Variants in ZDHHC11 observed in about 807,000 individuals in gnomAD.
ZDHHC11 encodes zDHHC palmitoyltransferase 11, also known as palmitoyltransferase ZDHHC11.
A neutral mutation model predicts 51.3 loss-of-function variants in ZDHHC11; 44 were observed. The ratio of observed to expected loss-of-function variants is 0.86; its 90% confidence interval spans 0.67 to 1.10. The LOEUF (loss-of-function observed/expected upper bound fraction) is 1.10. ZDHHC11 is among the 50% of genes least tolerant of loss of function. The pLI, the probability that ZDHHC11 is intolerant of heterozygous loss-of-function variation, is 0.00. For synonymous variants in ZDHHC11, 163 were observed against 222.0 expected (o/e 0.73, Z 2.36); for missense variants, 400 against 537.7 (o/e 0.74, Z 2.53).
rs377491180 is a variant in ZDHHC11, at chr5:850,498, C to T, written c.105G>A (p.Ser35=). 14 of 1,613,590 alleles carry T rather than the reference C, an allele frequency of 8.7e-6. No individual in the cohort carries two copies. Among genetic ancestry groups the T allele is most frequent in the African/African-American group, 8.0e-5 (6 of 74,930 alleles). ...CCACCTGGAAGTAGTGCAGGGGTAA[C>T]GACCAGCCGTTCACTCTGGAGATGC... The part of the protein sequence containing the change: ...PPRISRVNGW[S]LPLHYFQVVT... The change falls in exon 1 of 13, where the codon TCG becomes TCA. Residue 35 remains serine, a synonymous_variant. Coordinates refer to ENST00000283441, the MANE Select transcript of ZDHHC11 (RefSeq NM_024786.3).
chr5:796,964 T>C (rs1737669316), intron 12 of ZDHHC11, among the ~76,000 whole-genome samples: 1 of 151,864 alleles, frequency 6.6e-6, no homozygotes, highest in Non-Finnish European at 1.5e-5. Flanking sequence ...TCCCAGCACT[T>C]TGGGAGTCCG....
chr5:821,930 T>C lies in ZDHHC11; in HGVS notation c.1024-35A>G, dbSNP rs907186160. On this transcript the variant is annotated intron_variant, in intron 8 of 12. Transcript: ENST00000283441. ...AGTGAAGCAAAATTCATAGAATGAA[T>C]TGACATTGAACTTATTCTTAAAAAA... 8.9e-6 allele frequency: 14 copies of C among 1,580,338 alleles called. 1 individual carries two copies. Among genetic ancestry groups the C allele is most frequent in the East Asian group, 2.2e-5 (1 of 44,628 alleles).
chr5:857,692 TC>T, intron 1 of ZDHHC11, among the ~76,000 whole-genome samples: 1 of 138,288 alleles, frequency 7.2e-6, no homozygotes, highest in Non-Finnish European at 1.5e-5. Context: ...CCAGGTCCCA[TC>T]CCTGTCTTTA....
At chr5:834,634 C>G (rs1175056602) in intron 6 of ZDHHC11, among the ~76,000 whole-genome samples, 1 of 152,312 alleles carries the variant, frequency 6.6e-6, no homozygotes, top group African/African-American at 2.4e-5. Flanking sequence ...CAGGAATGAA[C>G]ACCTGGCTTT....
intron 5 of ZDHHC11, chr5:840,259 T>C (rs1036188853): frequency 2.6e-6 from 2 of 758,120 alleles, no homozygotes; most frequent in Non-Finnish European, 2.3e-6. Context: ...GTTCAGCTTC[T>C]TGCTGGGCCT....
At chr5:805,139 C>G (rs1255987017) in intron 11 of ZDHHC11, among the ~76,000 whole-genome samples, 8 of 151,420 alleles carry the variant, frequency 5.3e-5, no homozygotes, top group African/African-American at 1.9e-4. Flanking sequence ...TGTTTGTGTA[C>G]TATTGAAACT....
chr5:858,371 CG>C (rs201685887), intron 1 of ZDHHC11, among the ~76,000 whole-genome samples: 8,977 of 137,442 alleles, frequency 0.065, 342 homozygotes, highest in Admixed American at 0.13. Context: ...TTTATGACAC[CG>C]TGGTCCCCCA....
At chr5:852,277 G>A (rs889361741), upstream of ZDHHC11, among the ~76,000 whole-genome samples, 3 of 152,188 alleles carry the variant, frequency 2.0e-5, no homozygotes, top group African/African-American at 7.2e-5. Flanking sequence ...GAGGGGAATC[G>A]CTCAGCGGCC....
chr5:819,525 C>G lies in ZDHHC11; in HGVS notation c.1146G>C (p.Gln382His), dbSNP rs865921433. 1 of 1,609,246 alleles carries G rather than the reference C, an allele frequency of 6.2e-7. No individual in the cohort carries two copies. Among genetic ancestry groups the G allele is most frequent in the Admixed American group, 1.7e-5 (1 of 59,918 alleles). Reference sequence around the variant, plus strand: ...GACAGCGCCAGTGATTGCAACTTACCTGTGCCATCGAGCCCCCGTCTGGGT... The same window carrying G: ...GACAGCGCCAGTGATTGCAACTTACGTGTGCCATCGAGCCCCCGTCTGGGT... ...RVHPDGGSMA[Q>H]EADDAPSIST... Residue 382 changes from glutamine (Q) to histidine (H), a missense_variant and splice_region_variant, in exon 10 of 13, where the codon CAG (glutamine) becomes CAC (histidine). Coordinates refer to ENST00000283441, the MANE Select transcript of ZDHHC11 (RefSeq NM_024786.3).
Position 825,160 on chromosome 5 carries a change from T to G in ZDHHC11, c.1023+4A>C, listed in dbSNP as rs770871817. ...GGGGTGCATCGCTGGTGACTGCAAC[T>G]TACCCGTGCCGTCGAATCCCCATCC... On this transcript the variant is annotated splice_donor_region_variant and intron_variant, in intron 8 of 12. Transcript: ENST00000283441. 2.5e-6 allele frequency: 4 copies of G among 1,610,584 alleles called. No individual in the cohort carries two copies. The highest frequency in any genetic ancestry group is 1.3e-5 in the African/African-American group (1 of 74,730).
chr5:797,995 C>A (rs1161253246), intron 12 of ZDHHC11, among the ~76,000 whole-genome samples: 1 of 150,764 alleles, frequency 6.6e-6, no homozygotes, highest in Non-Finnish European at 1.5e-5. Context: ...TTAGGGAGAA[C>A]CTGTTGCTCC....
intron 9 of ZDHHC11, 104 bp from the exon 10 acceptor site, chr5:819,716 C>A: frequency 8.3e-7 from 1 of 1,209,982 alleles, no homozygotes; most frequent in Non-Finnish European, 1.2e-6. Flanking sequence ...TGCAGTGGGG[C>A]CCATGTGTCT....
rs111555408 is a variant in ZDHHC11 at position 805,710 on chromosome 5, C to T, written c.1182-4546G>A. Among the ~76,000 whole-genome samples, 4 of 151,026 alleles carry T rather than the reference C, an allele frequency of 2.6e-5. No homozygotes were observed. The East Asian group carries it at 7.7e-4, about 29-fold the overall frequency. ...ACTTTAAACATTTTATATATATATA[C>T]ATAGATAGATATATTGAACTTTTTA... On this transcript the variant is annotated intron_variant, in intron 11 of 12. Transcript: ENST00000283441.
At chr5:815,608 T>A (rs927921725) in intron 10 of ZDHHC11, among the ~76,000 whole-genome samples, 2 of 151,336 alleles carry the variant, frequency 1.3e-5, no homozygotes, top group Non-Finnish European at 1.5e-5. Flanking sequence ...CTTTCATTGC[T>A]CTTGGGTAAG....
Position 857,441 on chromosome 5 carries a change from T to A in ZDHHC11, c.-1+1433A>T, listed in dbSNP as rs112341004. Among the ~76,000 whole-genome samples, 8 of 152,278 alleles carry A rather than the reference T, an allele frequency of 5.3e-5. 2 individuals carry two copies. Among genetic ancestry groups the A allele is most frequent in the African/African-American group, 1.9e-4 (8 of 41,554 alleles). The stretch of plus-strand genomic sequence containing the variant: ...ATCAGGTCTTTAAGATGCCATGACC[T>A]CCTCAGTCTTTCCTGTTTCCATCTG... On this transcript the variant is annotated intron_variant, in intron 1 of 3. Coordinates refer to the ZDHHC11 transcript ENST00000685990.
chr5:834,622 C>T (rs1194194412), intron 6 of ZDHHC11, among the ~76,000 whole-genome samples: 1 of 152,308 alleles, frequency 6.6e-6, no homozygotes, highest in South Asian at 2.1e-4. Flanking sequence ...CTGTGGCTTG[C>T]ACAGGAATGA....
intron 5 of ZDHHC11, among the ~76,000 whole-genome samples, chr5:838,280 C>T (rs527997283): frequency 5.3e-5 from 8 of 152,116 alleles, no homozygotes; most frequent in African/African-American, 1.9e-4. Context: ...CTAAAAGAGC[C>T]GTCTTAACAA....
In ZDHHC11 at chr5:802,249, G is replaced by T. The variant is rs1377739761; in HGVS notation, c.1182-1085C>A. On this transcript the variant is annotated intron_variant, in intron 11 of 12. Coordinates refer to ENST00000283441, the MANE Select transcript of ZDHHC11 (RefSeq NM_024786.3). Reference sequence around the variant, plus strand: ...TGTCTGCCACCAGATTATTGCAGGGGGAGCAGTAGTCTTGGTAGACACAGA... The same window carrying T: ...TGTCTGCCACCAGATTATTGCAGGGTGAGCAGTAGTCTTGGTAGACACAGA... 1.3e-5 allele frequency among the ~76,000 whole-genome samples: 2 copies of T among 151,286 alleles called. 1 individual carries two copies. Among genetic ancestry groups the T allele is most frequent in the Non-Finnish European group, 3.0e-5 (2 of 67,696 alleles).
At chr5:846,804 CA>C (rs1435832442) in intron 3 of ZDHHC11, among the ~76,000 whole-genome samples, 4 of 146,074 alleles carry the variant, frequency 2.7e-5, no homozygotes, top group African/African-American at 5.3e-5. Context: ...CCACCGTGCT[CA>C]GGGGAAACAC....
Sources: gnomAD v4.1 joint callset for allele counts (sites outside exome capture counted in the v4.1 genomes callset) on GRCh38, gnomAD v4.1.1 for gene constraint, MANE v1.5 for transcripts, NCBI Gene and HGNC (gene_info 2026-07-23, HGNC 2026-07-21) for gene names.